The following EIF3H variants were observed in gnomAD, a reference collection of about 807,000 sequenced individuals.
EIF3H encodes the protein eukaryotic translation initiation factor 3 subunit H, also known as eIF-3-gamma.
Under a neutral mutation model 44.2 loss-of-function variants are expected in EIF3H, and 26 were observed. That is an observed-to-expected ratio of 0.59 (90% confidence interval 0.43 to 0.82). The LOEUF (loss-of-function observed/expected upper bound fraction) is 0.82. EIF3H is among the 40% of genes least tolerant of loss of function. The probability of loss-of-function intolerance (pLI) is 0.00; values close to 1 mark genes in which losing one functional copy is unlikely to be tolerated. For synonymous variants in EIF3H, 166 were observed against 151.9 expected (o/e 1.09, Z -0.68); for missense variants, 359 against 432.8 (o/e 0.83, Z 1.51).
At chr8:116,655,391 C>A (rs1813472084) in intron 5 of EIF3H, among the ~76,000 whole-genome samples, 1 of 151,860 alleles carries the variant, frequency 6.6e-6, no homozygotes, top group Middle Eastern at 3.2e-3. Context: ...ACTCAAACAA[C>A]TGTAATTTTA....
intron 2 of EIF3H, among the ~76,000 whole-genome samples, chr8:116,668,275 G>A (rs984992036): frequency 3.9e-5 from 6 of 152,232 alleles, no homozygotes; most frequent in Non-Finnish European, 8.8e-5. Flanking sequence ...ATGCCAGTAT[G>A]TAAACAGTGT....
intron 2 of EIF3H, among the ~76,000 whole-genome samples, chr8:116,706,389 A>G: frequency 6.6e-6 from 1 of 152,142 alleles, no homozygotes; most frequent in Non-Finnish European, 1.5e-5. Context: ...TCACACAGCT[A>G]GTTACTTCTT....
intron 2 of EIF3H, among the ~76,000 whole-genome samples, chr8:116,666,891 T>C (rs1316965741): frequency 2.0e-5 from 3 of 151,990 alleles, no homozygotes; most frequent in Non-Finnish European, 2.9e-5. Flanking sequence ...GAATGGAATA[T>C]TTAAAAAACG....
intron 2 of EIF3H, among the ~76,000 whole-genome samples, chr8:116,692,030 GCTCA>G (rs1416239840): frequency 6.6e-6 from 1 of 152,146 alleles, no homozygotes; most frequent in Non-Finnish European, 1.5e-5. Flanking sequence ...CTTCCCAAAT[GCTCA>G]CTGTTTCACA....
At chr8:116,698,682 C>T (rs1814313785) in intron 2 of EIF3H, among the ~76,000 whole-genome samples, 1 of 152,174 alleles carries the variant, frequency 6.6e-6, no homozygotes, top group Non-Finnish European at 1.5e-5. Flanking sequence ...GCATCCTTGC[C>T]CATGCCATAG....
At chr8:116,674,377 G>A (rs908376056) in intron 2 of EIF3H, among the ~76,000 whole-genome samples, 8 of 151,982 alleles carry the variant, frequency 5.3e-5, no homozygotes, top group South Asian at 2.1e-4. Context: ...CCCAGCAAAC[G>A]AAGTAGTGGA....
At chr8:116,678,225 C>G (rs1813885199) in intron 2 of EIF3H, among the ~76,000 whole-genome samples, 1 of 152,240 alleles carries the variant, frequency 6.6e-6, no homozygotes, top group East Asian at 1.9e-4. Flanking sequence ...CAGCTCCTAA[C>G]TGCGAGTGAT....
At chr8:116,732,657 ATTC>A (rs1814970657) in intron 1 of EIF3H, among the ~76,000 whole-genome samples, 2 of 2,530 alleles carry the variant, frequency 7.9e-4, no homozygotes. Flanking sequence ...TCATTCCCTC[ATTC>A]ATTCATTCAT....
chr8:116,694,116 AC>A (rs1159846579), intron 2 of EIF3H, among the ~76,000 whole-genome samples: 2 of 152,126 alleles, frequency 1.3e-5, no homozygotes, highest in African/African-American at 4.8e-5. Context: ...TTTCAGAGAA[AC>A]TGCAAGGTCA....
At chr8:116,670,283 T>G (rs1160790330) in intron 2 of EIF3H, among the ~76,000 whole-genome samples, 1 of 152,092 alleles carries the variant, frequency 6.6e-6, no homozygotes, top group Non-Finnish European at 1.5e-5. Flanking sequence ...CACAAGTATG[T>G]GGGGAGAATG....
chr8:116,695,603 T>C (rs1420686638), intron 2 of EIF3H, among the ~76,000 whole-genome samples: 3 of 151,880 alleles, frequency 2.0e-5, no homozygotes, highest in Non-Finnish European at 4.4e-5. Flanking sequence ...AGAGACTCAG[T>C]AAAGTGAGGA....
intron 2 of EIF3H, among the ~76,000 whole-genome samples, chr8:116,683,628 A>G (rs1814027889): frequency 6.6e-6 from 1 of 152,216 alleles, no homozygotes; most frequent in South Asian, 2.1e-4. Flanking sequence ...GTGCATGGGG[A>G]TGGATGACAT....
At chr8:116,679,729 G>A (rs1206068473) in intron 2 of EIF3H, among the ~76,000 whole-genome samples, 1 of 7,712 alleles carries the variant, frequency 1.3e-4, no homozygotes, top group Admixed American at 5.5e-4. Flanking sequence ...GAGCCCCTCT[G>A]CCCGGCCAGC....
intron 5 of EIF3H, among the ~76,000 whole-genome samples, chr8:116,653,819 A>G (rs1043126351): frequency 6.6e-6 from 1 of 152,210 alleles, no homozygotes; most frequent in African/African-American, 2.4e-5. Context: ...AAAAATTTGA[A>G]TTTTTCAACA....
At chr8:116,686,814 AAGC>A (rs1814085828) in intron 2 of EIF3H, among the ~76,000 whole-genome samples, 1 of 152,120 alleles carries the variant, frequency 6.6e-6, no homozygotes, top group African/African-American at 2.4e-5. Flanking sequence ...TAAAAAGTGA[AAGC>A]AGTATTTCAG....
chr8:116,722,036 A>G (rs528877531), intron 2 of EIF3H, among the ~76,000 whole-genome samples: 2 of 152,262 alleles, frequency 1.3e-5, no homozygotes, highest in Admixed American at 1.3e-4. Flanking sequence ...ATTTGGGAAG[A>G]GCCAGGGTGG....
At chr8:116,679,168 GT>G (rs1353160720) in intron 2 of EIF3H, among the ~76,000 whole-genome samples, 17 of 72,180 alleles carry the variant, frequency 2.4e-4, no homozygotes, top group East Asian at 5.2e-4. Context: ...GAGGGAGGTG[GT>G]GGGGGTCAGC....
At chr8:116,664,866 C>A (rs1002592290) in intron 2 of EIF3H, among the ~76,000 whole-genome samples, 1 of 152,064 alleles carries the variant, frequency 6.6e-6, no homozygotes, top group East Asian at 1.9e-4. Context: ...AAAATTATTT[C>A]TAAAATAAAC....
At chr8:116,692,867 C>A (rs1814202008) in intron 2 of EIF3H, among the ~76,000 whole-genome samples, 2 of 152,126 alleles carry the variant, frequency 1.3e-5, no homozygotes, top group African/African-American at 2.4e-5. Flanking sequence ...TCTTAATAAG[C>A]CCCAAGTTCT....
Sources: allele counts gnomAD v4.1 joint callset (sites outside exome capture counted in the v4.1 genomes callset), GRCh38; gene constraint gnomAD v4.1.1; transcripts MANE v1.5; gene names NCBI Gene and HGNC (gene_info 2026-07-23, HGNC 2026-07-21).